Variants in PTPRT observed in about 807,000 individuals in gnomAD.
The protein encoded by PTPRT is receptor-type tyrosine-protein phosphatase T.
PTPRT carries 56 observed loss-of-function variants against 176.8 expected under a neutral mutation model. The ratio of observed to expected loss-of-function variants is 0.32; its 90% CI spans 0.26 to 0.40. The LOEUF is 0.40. Among genes scored for constraint, PTPRT ranks in the 10% least tolerant of loss-of-function variants. The probability of loss-of-function intolerance (pLI) is 1.00; values close to 1 mark genes in which losing one functional copy is unlikely to be tolerated. For missense variants in PTPRT, 1,540 were observed against 1,908.2 expected, an observed-to-expected ratio of 0.81 and a Z score of 3.60; for synonymous variants, 783 against 739.0, an observed-to-expected ratio of 1.06 and a Z score of -0.96.
intron 7 of PTPRT, among the ~76,000 whole-genome samples, chr20:42,492,562 T>C (rs7263792): frequency 0.13 from 19,920 of 152,212 alleles, 3,075 homozygotes; most frequent in African/African-American, 0.38. Flanking sequence ...TAAGTGTTGC[T>C]TCAGCCTGTT....
chr20:43,119,850 T>C (rs964031990), intron 1 of PTPRT, among the ~76,000 whole-genome samples: 2 of 152,166 alleles, frequency 1.3e-5, no homozygotes, highest in East Asian at 3.8e-4. Context: ...ATCATATAAA[T>C]AGCAATGTCA....
chr20:42,441,767 G>A (rs1264521098), intron 9 of PTPRT, among the ~76,000 whole-genome samples: 2 of 152,180 alleles, frequency 1.3e-5, no homozygotes, highest in South Asian at 2.1e-4. Context: ...GGGGGCAACG[G>A]ATGACGCTCT....
chr20:42,989,856 G>A (rs1983792329), intron 1 of PTPRT, among the ~76,000 whole-genome samples: 1 of 152,230 alleles, frequency 6.6e-6, no homozygotes, highest in African/African-American at 2.4e-5. Context: ...GAAAGGCAAT[G>A]AGCACAGAAA....
Position 42,270,276 on chromosome 20 carries a change from G to C in PTPRT, c.2176+12213C>G, listed in dbSNP as rs1382756204. 2.4e-5 allele frequency: 19 copies of C among 787,002 alleles called. No homozygotes were observed. In the East Asian group the frequency reaches 4.3e-4, roughly 18 times the overall value. The allele number at this position is 787,002 out of a possible 1,614,324, so 48.8% of individuals were successfully genotyped here. The stretch of plus-strand genomic sequence containing the variant: ...TGTGGGTTGATGGGTGAATGGGTGG[G>C]GGGGTGGGTGGGTGGGTGGGGTGGA... On this transcript the variant is annotated intron_variant, in intron 13 of 30. Transcript: ENST00000373187.
Position 43,189,573 on chromosome 20 carries a change from G to T in PTPRT, c.88+73C>A. The T allele has an allele frequency of 2.0e-6, 2 of 1,017,568 alleles. No homozygotes were observed. The highest frequency in any genetic ancestry group is 2.5e-6 in the Non-Finnish European group (2 of 803,148). The allele number at this position is 1,017,568 out of a possible 1,614,324, so 63.0% of individuals were successfully genotyped here. A position where few individuals can be genotyped will look rare whatever the true frequency, so the allele number is the denominator to read the frequency against. ...GCCCACACAACTTTCTCCTCCGAGG[G>T]CCCCGCGGCTGGGGGCCCGCGCGCA... On this transcript the variant is annotated intron_variant, in intron 1 of 30. Transcript: ENST00000373187. The surrounding 1 kb of genome is among the most constrained non-coding windows in gnomAD (Gnocchi z 5.0).
intron 9 of PTPRT, among the ~76,000 whole-genome samples, chr20:42,359,186 G>A (rs1006566665): frequency 2.0e-5 from 3 of 152,200 alleles, no homozygotes; most frequent in Admixed American, 2.0e-4. Context: ...CATGCACACT[G>A]AGTTTGGAGA....
At chr20:42,927,517 G>T (rs184827646) in intron 1 of PTPRT, among the ~76,000 whole-genome samples, 2 of 152,022 alleles carry the variant, frequency 1.3e-5, no homozygotes, top group Non-Finnish European at 2.9e-5. Flanking sequence ...AGCCAGGATC[G>T]CATCACTGCA....
chr20:42,486,433 T>C lies in PTPRT; in HGVS notation c.1154-13871A>G, dbSNP rs144120932. 6.7e-3 allele frequency among the ~76,000 whole-genome samples: 1,014 copies of C among 152,328 alleles called. 8 individuals are homozygous for C. Among genetic ancestry groups the C allele is most frequent in the African/African-American group, 0.023 (958 of 41,562 alleles). The stretch of plus-strand genomic sequence containing the variant: ...GCTCAGATACTTGATGTTTTCACAT[T>C]TTCTATCTCTTGCACATTAAAACTT... On this transcript the variant is annotated intron_variant, in intron 7 of 30. Coordinates refer to ENST00000373187, the MANE Select transcript of PTPRT (RefSeq NM_007050.6).
intron 2 of PTPRT, among the ~76,000 whole-genome samples, chr20:42,874,952 A>C (rs2078906498): frequency 6.6e-6 from 1 of 152,114 alleles, no homozygotes. Flanking sequence ...GCAATGGCGC[A>C]GTCTCAGCTC....
At chr20:42,713,764 G>A (rs1460498331) in intron 6 of PTPRT, among the ~76,000 whole-genome samples, 1 of 152,098 alleles carries the variant, frequency 6.6e-6, no homozygotes, top group Non-Finnish European at 1.5e-5. Context: ...TCTTGGTACT[G>A]TCCTTACTAT....
intron 6 of PTPRT, among the ~76,000 whole-genome samples, chr20:42,726,190 G>A (rs937026983): frequency 2.0e-5 from 3 of 151,630 alleles, no homozygotes; most frequent in Non-Finnish European, 2.9e-5. Flanking sequence ...AGCAATCCTC[G>A]TGCCTCAGCC....
At position 42,075,840 on chromosome 20, in the gene PTPRT, G is replaced by T. The variant is rs1481595076; in HGVS notation, c.*5039C>A. On this transcript the variant is annotated 3_prime_UTR_variant, in exon 31 of 31. Coordinates refer to ENST00000373187, the MANE Select transcript of PTPRT (RefSeq NM_007050.6). ...TAAACATGATGGGTCAGAGGGAAAT[G>T]CATCATCTTTTGCCCCAGACACTGA... 2 of 204,892 alleles carry T rather than the reference G, an allele frequency of 9.8e-6. No homozygotes were observed. The highest frequency in any genetic ancestry group is 6.0e-5 in the Admixed American group (1 of 16,768). The allele number at this position is 204,892 out of a possible 1,614,324, so 12.7% of individuals were successfully genotyped here.
chr20:42,596,889 G>A lies in PTPRT; in HGVS notation c.1153+80977C>T, dbSNP rs1050268528. Among the ~76,000 whole-genome samples the A allele has an allele frequency of 1.1e-4, 17 of 152,338 alleles. 1 individual carries two copies. In the Middle Eastern group the frequency reaches 0.01, roughly 91 times the overall value. On this transcript the variant is annotated intron_variant, in intron 7 of 30. Transcript: ENST00000373187. ...ATAATGGTTGGAAGTGTAAATTGGT[G>A]TATAATTTATCAAAGGCAATTTTCC...
chr20:43,158,834 G>A (rs1339130640), intron 1 of PTPRT, among the ~76,000 whole-genome samples: 1 of 152,062 alleles, frequency 6.6e-6, no homozygotes, highest in Non-Finnish European at 1.5e-5. Context: ...TGTGACCTTG[G>A]GCAAGTCACT....
chr20:42,498,664 C>T lies in PTPRT; in HGVS notation c.1154-26102G>A, dbSNP rs553731420. On this transcript the variant is annotated intron_variant, in intron 7 of 30. Transcript: ENST00000373187. Reference sequence around the variant, plus strand: ...TAAGAAACATGCACATCTATTCTCTCTGAACTCTGCTACTTGGAGGCTTCA... The same window carrying T: ...TAAGAAACATGCACATCTATTCTCTTTGAACTCTGCTACTTGGAGGCTTCA... 2.0e-5 allele frequency among the ~76,000 whole-genome samples: 3 copies of T among 152,260 alleles called. No homozygotes were observed. In the East Asian group the frequency reaches 5.8e-4, roughly 29 times the overall value.
chr20:42,889,997 C>T (rs2079165795), intron 1 of PTPRT, among the ~76,000 whole-genome samples: 1 of 152,156 alleles, frequency 6.6e-6, no homozygotes, highest in Non-Finnish European at 1.5e-5. Flanking sequence ...AGGGAAATGA[C>T]AACCATTTCA....
At chr20:42,229,571 A>G (rs2056091676) in intron 15 of PTPRT, among the ~76,000 whole-genome samples, 2 of 152,196 alleles carry the variant, frequency 1.3e-5, no homozygotes, top group African/African-American at 2.4e-5. Flanking sequence ...ACAGCAGCTG[A>G]TGATGTGAAA....
chr20:42,210,954 A>T (rs2055609549), intron 15 of PTPRT, among the ~76,000 whole-genome samples: 1 of 151,526 alleles, frequency 6.6e-6, no homozygotes, highest in African/African-American at 2.4e-5. Flanking sequence ...AGAGATATAG[A>T]TCAATGGAAC....
At chr20:42,393,763 C>A (rs139413690) in intron 9 of PTPRT, among the ~76,000 whole-genome samples, 1 of 152,226 alleles carries the variant, frequency 6.6e-6, no homozygotes, top group African/African-American at 2.4e-5. Flanking sequence ...ATCCTAACTT[C>A]ATTCTTCCTA....
Sources: allele counts gnomAD v4.1 joint callset (sites outside exome capture counted in the v4.1 genomes callset), GRCh38; gene constraint gnomAD v4.1.1; non-coding constraint Gnocchi (gnomAD v3.1); transcripts MANE v1.5; gene names NCBI Gene and HGNC (gene_info 2026-07-23, HGNC 2026-07-21).